PCDHA6: variants seen among roughly 807,000 people sequenced by gnomAD.
PCDHA6 encodes the protein protocadherin alpha 6.
PCDHA6 carries 55 observed loss-of-function variants against 60.3 expected under a neutral mutation model. The observed-to-expected ratio is 0.91, with a 90% CI of 0.73 to 1.14. PCDHA6 has a LOEUF of 1.14. Ranked by LOEUF, PCDHA6 falls within the 50% of genes most tolerant of loss-of-function variation. The pLI is 0.00. For missense variants in PCDHA6, 1,327 were observed against 1,256.5 expected (o/e 1.06, Z -0.85); for synonymous variants, 652 against 557.9 (o/e 1.17, Z -2.38).
At chr5:140,933,073 T>C (rs1198976304) in intron 1 of PCDHA6, among the ~76,000 whole-genome samples, 1 of 152,026 alleles carries the variant, frequency 6.6e-6, no homozygotes, top group Non-Finnish European at 1.5e-5. Context: ...TAAAGTATTA[T>C]GGGAAGTAAG....
Position 140,843,127 on chromosome 5 carries a change from C to G in PCDHA6, c.2394+12642C>G, listed in dbSNP as rs2150353470. 3 of 1,595,942 alleles carry G rather than the reference C, an allele frequency of 1.9e-6. No individual in the cohort carries two copies. The South Asian group carries it at 3.3e-5, about 18-fold the overall frequency. On this transcript the variant is annotated intron_variant, in intron 1 of 3. Transcript: ENST00000529310. The stretch of plus-strand genomic sequence containing the variant: ...TGCGCGCAGTGGACGCCGACTCGGG[C>G]TACAACGCGTGGCTTTCGTATGAGC...
At position 140,843,021 on chromosome 5, in the gene PCDHA6, A is replaced by C. The variant is rs2150350261; in HGVS notation, c.2394+12536A>C. 58 of 1,595,034 alleles carry C rather than the reference A, an allele frequency of 3.6e-5. 4 individuals are homozygous for C. The East Asian group carries it at 5.1e-4, about 14-fold the overall frequency. On this transcript the variant is annotated intron_variant, in intron 1 of 3. Coordinates refer to ENST00000529310, the MANE Select transcript of PCDHA6 (RefSeq NM_018909.4). Reference sequence around the variant, plus strand: ...AATGACAACGCGCCGGCACTGCTGGAGCCTCGGGTGGGTGGCACTGGTGGC... The same window carrying C: ...AATGACAACGCGCCGGCACTGCTGGCGCCTCGGGTGGGTGGCACTGGTGGC...
chr5:140,853,955 T>A, intron 1 of PCDHA6: 1 of 752,642 alleles, frequency 1.3e-6, no homozygotes, highest in Non-Finnish European at 1.7e-6. Flanking sequence ...GGTCCCTTCC[T>A]TGAGCCCAGC....
chr5:140,877,689 G>A (rs1554169989), intron 1 of PCDHA6: 2 of 1,613,914 alleles, frequency 1.2e-6, no homozygotes, highest in Non-Finnish European at 8.5e-7. Flanking sequence ...AGCCCACGCT[G>A]GTGTGCTCCA....
At chr5:140,863,518 C>T (rs1339237201) in intron 1 of PCDHA6, 13 of 402,142 alleles carry the variant, frequency 3.2e-5, no homozygotes, top group Middle Eastern at 7.3e-4. Context: ...AGTGTTCTCC[C>T]ATGGTTCAGA....
intron 3 of PCDHA6, among the ~76,000 whole-genome samples, chr5:140,991,007 G>C (rs2153892777): frequency 6.6e-6 from 1 of 152,280 alleles, no homozygotes; most frequent in South Asian, 2.1e-4. Flanking sequence ...ATTGAGAACT[G>C]TGATAAGCAC....
rs782628181 is a variant in PCDHA6, at chr5:140,850,474, C to G, written c.2394+19989C>G. 1.3e-6 allele frequency: 2 copies of G among 1,597,756 alleles called. 1 individual carries two copies. The highest frequency in any genetic ancestry group is 1.7e-6 in the Non-Finnish European group (2 of 1,167,580). On this transcript the variant is annotated intron_variant, in intron 1 of 3. Coordinates refer to ENST00000529310, the MANE Select transcript of PCDHA6 (RefSeq NM_018909.4). ...AAAGACCACGGGGAGCCAGCGCTGA[C>G]GGCCACGGCCACTGTGCTGGTGTCG...
At chr5:140,927,527 C>G in intron 1 of PCDHA6, 1 of 1,614,084 alleles carries the variant, frequency 6.2e-7, no homozygotes, top group African/African-American at 1.3e-5. Context: ...GGGCTACCTG[C>G]CCGCTCAGGA....
chr5:140,927,008 T>C (rs1482906318), intron 1 of PCDHA6: 1 of 1,612,396 alleles, frequency 6.2e-7, no homozygotes, highest in Admixed American at 1.7e-5. Context: ...GTAGGCAATC[T>C]CTCCGCGGAC....
Position 140,828,466 on chromosome 5 carries a change from C to T in PCDHA6, c.375C>T (p.Asp125=). 2 of 1,614,242 alleles carry T rather than the reference C, an allele frequency of 1.2e-6. No individual in the cohort carries two copies. The highest frequency in any genetic ancestry group is 2.2e-5 in the East Asian group (1 of 44,886). ...TCCATGTGGACGTGGAGGTGAGGGACATTAACGACAACCCGCCCTTGTTCC... is the reference window on the plus strand; with the variant it reads ...TCCATGTGGACGTGGAGGTGAGGGATATTAACGACAACCCGCCCTTGTTCC... The part of the protein sequence containing the change: ...QVFHVDVEVR[D]INDNPPLFPV... Residue 125 remains aspartate, a synonymous_variant, in exon 1 of 4, where the codon GAC becomes GAT. Transcript: ENST00000529310.
At chr5:140,873,283 A>G (rs1554166657) in intron 1 of PCDHA6, among the ~76,000 whole-genome samples, 1 of 152,258 alleles carries the variant, frequency 6.6e-6, no homozygotes, top group Non-Finnish European at 1.5e-5. Flanking sequence ...CATACCACTT[A>G]TGAAACTTTA....
intron 1 of PCDHA6, chr5:140,858,360 G>T: frequency 6.3e-7 from 1 of 1,592,532 alleles, no homozygotes; most frequent in Non-Finnish European, 8.6e-7. Context: ...ATGGCCTTCA[G>T]CCCCAGCCTT....
intron 1 of PCDHA6, among the ~76,000 whole-genome samples, chr5:140,838,401 G>A (rs1214374292): frequency 2.6e-5 from 4 of 151,340 alleles, no homozygotes; most frequent in African/African-American, 9.8e-5. Flanking sequence ...TGGGATTACA[G>A]GAGTGAGCCA....
intron 1 of PCDHA6, chr5:140,863,153 A>T (rs1554157836): frequency 1.6e-6 from 1 of 625,716 alleles, no homozygotes; most frequent in South Asian, 1.4e-5. Flanking sequence ...GTGAAGGACC[A>T]CTGCGAGCTG....
At chr5:140,856,761 C>T (rs377564040) in intron 1 of PCDHA6, 2 of 1,596,598 alleles carry the variant, frequency 1.3e-6, no homozygotes, top group Non-Finnish European at 1.7e-6. Context: ...AATGATAACG[C>T]CCCTATCTTT....
At chr5:140,951,597 C>T (rs1445745403) in intron 1 of PCDHA6, among the ~76,000 whole-genome samples, 1 of 152,098 alleles carries the variant, frequency 6.6e-6, no homozygotes, top group East Asian at 1.9e-4. Flanking sequence ...ATCTCTCTCA[C>T]TGTTATGAGA....
At chr5:140,966,899 C>T in intron 1 of PCDHA6, 2 of 1,598,372 alleles carry the variant, frequency 1.3e-6, no homozygotes, top group African/African-American at 1.3e-5. Context: ...CTCCCAGCTG[C>T]GATACTCTGT....
At chr5:140,858,234 C>A (rs782153266) in intron 1 of PCDHA6, 1 of 1,596,332 alleles carries the variant, frequency 6.3e-7, no homozygotes, top group South Asian at 1.1e-5. Context: ...ACCGAGGGCG[C>A]ATGTGGGCCG....
intron 1 of PCDHA6, among the ~76,000 whole-genome samples, chr5:140,901,805 T>G (rs115665679): frequency 0.012 from 1,857 of 152,304 alleles, 44 homozygotes; most frequent in African/African-American, 0.042. Context: ...TGAACATTTT[T>G]ACAATATTGA....
Sources: gnomAD v4.1 joint callset for allele counts (sites outside exome capture counted in the v4.1 genomes callset) on GRCh38, gnomAD v4.1.1 for gene constraint, MANE v1.5 for transcripts, NCBI Gene and HGNC (gene_info 2026-07-23, HGNC 2026-07-21) for gene names.